Variants in TAF3 observed in about 807,000 individuals in gnomAD.
TAF3 encodes TATA-box binding protein associated factor 3.
Under a neutral mutation model 80.6 loss-of-function variants are expected in TAF3, and 7 were observed. The ratio of observed to expected loss-of-function variants is 0.09; its 90% CI spans 0.05 to 0.16. The LOEUF is 0.16. Ranked by LOEUF, TAF3 falls within the 10% of genes least tolerant of loss-of-function variation. TAF3 has a pLI of 1.00. For missense variants in TAF3, 921 were observed against 1,140.2 expected (o/e 0.81, Z 2.77); for synonymous variants, 444 against 446.1 (o/e 1.00, Z 0.06).
At chr10:7,847,686 C>T (rs1588522519) in intron 2 of TAF3, among the ~76,000 whole-genome samples, 1 of 152,310 alleles carries the variant, frequency 6.6e-6, no homozygotes, top group Middle Eastern at 3.4e-3. Context: ...TTCAAGTGAT[C>T]CTCCCACCTT....
rs187996016 is a variant in TAF3, at chr10:7,900,801, C to T, written c.410-63119C>T. 7.9e-5 allele frequency among the ~76,000 whole-genome samples: 12 copies of T among 152,106 alleles called. No homozygotes were observed. In the East Asian group the frequency reaches 9.7e-4, roughly 12 times the overall value. On this transcript the variant is annotated intron_variant, in intron 2 of 6. Coordinates refer to ENST00000344293, the MANE Select transcript of TAF3 (RefSeq NM_031923.4). ...ACTGAACTTTTTGCTCTTTAGGCTT[C>T]GTATTAAGAAGGTAAAGATTTTGAT...
chr10:7,925,875 T>G (rs557525104), intron 2 of TAF3, among the ~76,000 whole-genome samples: 1 of 151,944 alleles, frequency 6.6e-6, no homozygotes, highest in South Asian at 2.1e-4. Context: ...TTTCAATACC[T>G]TGATTAATTT....
chr10:7,897,834 A>G (rs1462816113), intron 2 of TAF3, among the ~76,000 whole-genome samples: 1 of 151,496 alleles, frequency 6.6e-6, no homozygotes, highest in Non-Finnish European at 1.5e-5. Flanking sequence ...TAACTTTTTG[A>G]TTTATTTGTA....
At chr10:7,837,982 T>A (rs1836869559) in intron 2 of TAF3, among the ~76,000 whole-genome samples, 1 of 152,262 alleles carries the variant, frequency 6.6e-6, no homozygotes, top group African/African-American at 2.4e-5. Flanking sequence ...CATCAAATAA[T>A]TTATCCTTGA....
intron 2 of TAF3, among the ~76,000 whole-genome samples, chr10:7,942,557 T>G (rs553925543): frequency 6.6e-6 from 1 of 152,104 alleles, no homozygotes; most frequent in East Asian, 1.9e-4. Flanking sequence ...ATCCGCTGGG[T>G]TTTCCTGGAG....
intron 2 of TAF3, among the ~76,000 whole-genome samples, chr10:7,873,474 A>T (rs1188735038): frequency 6.6e-6 from 1 of 152,254 alleles, no homozygotes; most frequent in Non-Finnish European, 1.5e-5. Flanking sequence ...TAATTTTAGA[A>T]AAACATTTAG....
chr10:7,933,151 AAGATTACCT>A (rs1837885039), intron 2 of TAF3, among the ~76,000 whole-genome samples: 1 of 152,226 alleles, frequency 6.6e-6, no homozygotes, highest in Non-Finnish European at 1.5e-5. Context: ...TATTCTCTTC[AAGATTACCT>A]TTATATTTCA....
chr10:7,911,097 C>T (rs2131179440), intron 2 of TAF3, among the ~76,000 whole-genome samples: 1 of 152,238 alleles, frequency 6.6e-6, no homozygotes, highest in Admixed American at 6.5e-5. Flanking sequence ...AGGGAGAAGA[C>T]TCACACCTGA....
chr10:7,953,787 TGAATTAGTCCTA>T (rs1838106962), intron 2 of TAF3, among the ~76,000 whole-genome samples: 1 of 152,218 alleles, frequency 6.6e-6, no homozygotes, highest in African/African-American at 2.4e-5. Context: ...GGCAAATGAA[TGAATTAGTCCTA>T]GTTAACACAG....
chr10:8,011,595 A>T (rs1274052987), intron 5 of TAF3, among the ~76,000 whole-genome samples: 1 of 152,138 alleles, frequency 6.6e-6, no homozygotes, highest in Non-Finnish European at 1.5e-5. Context: ...ATTTCCTTAA[A>T]GGAGTTTTGG....
At chr10:8,001,023 A>G (rs190377401) in intron 4 of TAF3, among the ~76,000 whole-genome samples, 207 of 152,288 alleles carry the variant, frequency 1.4e-3, no homozygotes, top group Non-Finnish European at 2.1e-3. Flanking sequence ...TTCATCATCT[A>G]TGTAACCGAT....
intron 1 of TAF3, among the ~76,000 whole-genome samples, chr10:7,822,300 G>C (rs1169177347): frequency 6.6e-6 from 1 of 151,668 alleles, no homozygotes; most frequent in African/African-American, 2.4e-5. Context: ...AAACTACCAG[G>C]TTTTGGTTTG....
Position 7,825,043 on chromosome 10 carries a change from T to C in TAF3, c.409+483T>C, listed in dbSNP as rs938917390. Among the ~76,000 whole-genome samples the C allele has an allele frequency of 2.0e-5, 3 of 152,248 alleles. 1 individual carries two copies. In the South Asian group the frequency reaches 6.2e-4, roughly 31 times the overall value. On this transcript the variant is annotated intron_variant, in intron 2 of 6. Coordinates refer to ENST00000344293, the MANE Select transcript of TAF3 (RefSeq NM_031923.4). ...TATCATGAGGAGCAATGTTTATTGT[T>C]TGATCATATAGAACTTTTGATTATA...
chr10:7,858,238 ATCC>A (rs993199733), intron 2 of TAF3, among the ~76,000 whole-genome samples: 5 of 152,302 alleles, frequency 3.3e-5, no homozygotes, highest in African/African-American at 1.2e-4. Context: ...AGAATATAAG[ATCC>A]TCCTCTTTAT....
In TAF3 at chr10:7,907,520, GAAAT is replaced by G. The variant is rs1236067024; in HGVS notation, c.410-56396_410-56393del. 2.0e-5 allele frequency among the ~76,000 whole-genome samples: 3 copies of G among 152,264 alleles called. No individual in the cohort carries two copies. In the East Asian group the frequency reaches 5.8e-4, roughly 29 times the overall value. On this transcript the variant is annotated intron_variant, in intron 2 of 6. Transcript: ENST00000344293. ...GTGTTAAAAATAAGCCAATTTAAGA[GAAAT>G]AAAGGGATAACAAAGAATTCAGATG...
chr10:7,849,187 T>C (rs998689542), intron 2 of TAF3, among the ~76,000 whole-genome samples: 1 of 152,212 alleles, frequency 6.6e-6, no homozygotes, highest in Non-Finnish European at 1.5e-5. Context: ...TCTTTTTTTT[T>C]CTTATAGATG....
At chr10:7,865,155 G>A (rs187643921) in intron 2 of TAF3, among the ~76,000 whole-genome samples, 1 of 152,126 alleles carries the variant, frequency 6.6e-6, no homozygotes, top group Admixed American at 6.5e-5. Flanking sequence ...CAGGAGTGGA[G>A]AGGGCAGGGA....
chr10:7,920,656 C>T (rs1217237398), intron 2 of TAF3, among the ~76,000 whole-genome samples: 2 of 152,042 alleles, frequency 1.3e-5, no homozygotes, highest in African/African-American at 4.8e-5. Context: ...TATAAACTGC[C>T]ATTTTAAAAG....
At chr10:7,819,004 C>A in intron 1 of TAF3, 129 bp downstream of exon 1, 1 of 959,222 alleles carries the variant, frequency 1.0e-6, no homozygotes, top group Non-Finnish European at 1.4e-6. Flanking sequence ...GTTTCCTCGG[C>A]CTCCCACGTC....
Sources: allele counts gnomAD v4.1 joint callset (sites outside exome capture counted in the v4.1 genomes callset), GRCh38; gene constraint gnomAD v4.1.1; transcripts MANE v1.5; gene names NCBI Gene and HGNC (gene_info 2026-07-23, HGNC 2026-07-21).